The following SPOCK1 variants were observed in gnomAD, a reference collection of about 807,000 sequenced individuals.
The protein encoded by SPOCK1 is testican-1.
SPOCK1 carries 23 observed loss-of-function variants against 55.3 expected under a neutral mutation model. The ratio of observed to expected loss-of-function variants is 0.42; its 90% CI spans 0.30 to 0.59. The LOEUF (loss-of-function observed/expected upper bound fraction) is 0.59. Ranked by LOEUF, SPOCK1 falls within the 20% of genes least tolerant of loss-of-function variation. The pLI, the probability that SPOCK1 is intolerant of heterozygous loss-of-function variation, is 0.22. For synonymous variants in SPOCK1, 226 were observed against 221.0 expected, an observed-to-expected ratio of 1.02 and a Z score of -0.20; for missense variants, 499 against 552.5, an observed-to-expected ratio of 0.90 and a Z score of 0.97.
At chr5:137,099,253 T>C (rs1753213937) in intron 5 of SPOCK1, among the ~76,000 whole-genome samples, 1 of 152,182 alleles carries the variant, frequency 6.6e-6, no homozygotes, top group Admixed American at 6.5e-5. Context: ...CGTGGGTGAC[T>C]GGAAGAATGT....
chr5:137,095,319 G>A (rs1327522174), intron 5 of SPOCK1, among the ~76,000 whole-genome samples: 1 of 151,490 alleles, frequency 6.6e-6, no homozygotes, highest in Admixed American at 6.6e-5. Flanking sequence ...TTTAATGTGG[G>A]TCTGCCACAA....
chr5:137,386,639 C>T (rs896148014), intron 2 of SPOCK1, among the ~76,000 whole-genome samples: 5 of 152,044 alleles, frequency 3.3e-5, no homozygotes, highest in Non-Finnish European at 7.4e-5. Context: ...AGACTTTACA[C>T]CCTTTAAAAA....
chr5:137,373,547 G>A (rs990500298), intron 2 of SPOCK1, among the ~76,000 whole-genome samples: 2 of 152,186 alleles, frequency 1.3e-5, no homozygotes, highest in Non-Finnish European at 2.9e-5. Context: ...GAAGTCCATC[G>A]CCAAGTCCTC....
At chr5:137,205,282 A>C (rs1755498231) in intron 3 of SPOCK1, among the ~76,000 whole-genome samples, 2 of 152,196 alleles carry the variant, frequency 1.3e-5, no homozygotes, top group Admixed American at 1.3e-4. Flanking sequence ...CAGAATGAAA[A>C]GAAAAGCCAT....
At position 137,295,678 on chromosome 5, in the gene SPOCK1, A is replaced by T. The variant is rs539034720; in HGVS notation, c.187-28623T>A. 5.3e-5 allele frequency among the ~76,000 whole-genome samples: 8 copies of T among 151,852 alleles called. No homozygotes were observed. The East Asian group carries it at 1.6e-3, about 29-fold the overall frequency. On this transcript the variant is annotated intron_variant, in intron 2 of 10. Transcript: ENST00000394945. ...GCTGGCATCAGGGAGTTAAGGGTACACTCACTTCACTGACCAAGCAAGTTT... is the reference window on the plus strand; with the variant it reads ...GCTGGCATCAGGGAGTTAAGGGTACTCTCACTTCACTGACCAAGCAAGTTT...
At chr5:137,228,976 G>A (rs182788131) in intron 3 of SPOCK1, among the ~76,000 whole-genome samples, 24 of 152,198 alleles carry the variant, frequency 1.6e-4, no homozygotes, top group African/African-American at 2.4e-4. Flanking sequence ...GTAACCAGCC[G>A]AGCTCACGCA....
In SPOCK1 at chr5:137,183,713, G is replaced by A. The variant is rs79339640; in HGVS notation, c.233-43019C>T. Among the ~76,000 whole-genome samples, 1,173 of 152,306 alleles carry A rather than the reference G, an allele frequency of 7.7e-3. 53 individuals carry two copies. The highest frequency in any genetic ancestry group is 0.066 in the Admixed American group (1,006 of 15,304). On this transcript the variant is annotated intron_variant, in intron 3 of 10. Coordinates refer to ENST00000394945, the MANE Select transcript of SPOCK1 (RefSeq NM_004598.4). ...AAGGCTGAGAGAGCCTCAATCTCTC[G>A]AAAGGCTAGCTGTGAGTCCAGTTTC...
chr5:137,357,103 A>G (rs1307663571), intron 2 of SPOCK1, among the ~76,000 whole-genome samples: 2 of 151,574 alleles, frequency 1.3e-5, no homozygotes, highest in Non-Finnish European at 2.9e-5. Context: ...CTGCTCTCCC[A>G]TGGCTCCATC....
intron 3 of SPOCK1, among the ~76,000 whole-genome samples, chr5:137,170,661 A>G (rs900213094): frequency 1.3e-5 from 2 of 151,924 alleles, no homozygotes. Context: ...ACACTGTAAG[A>G]AGGCAAGTTG....
At chr5:137,197,210 C>T (rs138379760) in intron 3 of SPOCK1, among the ~76,000 whole-genome samples, 1,537 of 152,326 alleles carry the variant, frequency 0.01, 31 homozygotes, top group African/African-American at 0.034. Context: ...TGTCCAGGAG[C>T]TTCAGGGCCC....
At chr5:137,231,558 TA>T (rs1436747087) in intron 3 of SPOCK1, among the ~76,000 whole-genome samples, 1 of 152,260 alleles carries the variant, frequency 6.6e-6, no homozygotes, top group Non-Finnish European at 1.5e-5. Context: ...ATGTTGCATG[TA>T]TCAGCAGTGC....
At chr5:137,066,195 G>A (rs1256877585) in intron 6 of SPOCK1, among the ~76,000 whole-genome samples, 1 of 152,132 alleles carries the variant, frequency 6.6e-6, no homozygotes, top group Admixed American at 6.5e-5. Flanking sequence ...TTGAAGTACA[G>A]TGGCGCAATC....
rs1436743694 is a variant in SPOCK1, at chr5:137,018,545, G to A, written c.590-25945C>T. On this transcript the variant is annotated intron_variant, in intron 6 of 10. Transcript: ENST00000394945. The stretch of plus-strand genomic sequence containing the variant: ...TGATAACCATTGAAGATACTGATAC[G>A]AAAGTATGGATATGTACATCCACAG... Among the ~76,000 whole-genome samples the A allele has an allele frequency of 3.9e-5, 6 of 152,132 alleles. 1 individual carries two copies. Among genetic ancestry groups the A allele is most frequent in the Admixed American group, 1.3e-4 (2 of 15,268 alleles).
chr5:137,190,507 C>T (rs766704943), intron 3 of SPOCK1, among the ~76,000 whole-genome samples: 59 of 152,180 alleles, frequency 3.9e-4, no homozygotes, highest in Non-Finnish European at 7.4e-4. Flanking sequence ...AAGATATAAT[C>T]CTACTGCTTG....
intron 6 of SPOCK1, among the ~76,000 whole-genome samples, chr5:137,024,315 G>GGGC (rs1554093476): frequency 3.6e-4 from 3 of 8,334 alleles, no homozygotes; most frequent in South Asian, 0.022. Flanking sequence ...CCAGTTTGAA[G>GGGC]GGGGGGGGGT....
chr5:137,195,782 T>C (rs1580801953), intron 3 of SPOCK1, among the ~76,000 whole-genome samples: 1 of 152,238 alleles, frequency 6.6e-6, no homozygotes, highest in East Asian at 1.9e-4. Context: ...AGTACATGAC[T>C]GGTTGGCAGC....
At chr5:137,227,688 AG>A (rs1169530051) in intron 3 of SPOCK1, among the ~76,000 whole-genome samples, 2 of 152,226 alleles carry the variant, frequency 1.3e-5, no homozygotes, top group African/African-American at 4.8e-5. Flanking sequence ...CTTAGAAGAA[AG>A]GTCACAGCTT....
chr5:137,356,824 TATATATATATATATAGAGAGAGAG>T (rs1158680967), intron 2 of SPOCK1, among the ~76,000 whole-genome samples: 1 of 19,754 alleles, frequency 5.1e-5, no homozygotes, highest in African/African-American at 2.3e-4. Context: ...TATATATATA[TATATATATATATATAGAGAGAGAG>T]AGAGAGAGAG....
intron 2 of SPOCK1, among the ~76,000 whole-genome samples, chr5:137,275,746 G>T (rs1376062943): frequency 6.6e-6 from 1 of 152,216 alleles, no homozygotes. Context: ...TGCTCTAAGA[G>T]TCTCCAGCTC....
Sources: allele counts gnomAD v4.1 joint callset (sites outside exome capture counted in the v4.1 genomes callset), GRCh38; gene constraint gnomAD v4.1.1; transcripts MANE v1.5; gene names NCBI Gene and HGNC (gene_info 2026-07-23, HGNC 2026-07-21).